ITGA8: variants seen among roughly 807,000 people sequenced by gnomAD.
The protein encoded by ITGA8 is integrin alpha-8.
A neutral mutation model predicts 142.3 loss-of-function variants in ITGA8; 91 were observed. The observed-to-expected ratio is 0.64, with a 90% confidence interval of 0.54 to 0.76. ITGA8 has a LOEUF of 0.76. Ranked by LOEUF, ITGA8 falls within the 30% of genes least tolerant of loss-of-function variation. The pLI is 0.00. For missense variants in ITGA8, 1,406 were observed against 1,327.7 expected (o/e 1.06, Z -0.92); for synonymous variants, 505 against 485.2 (o/e 1.04, Z -0.54).
chr10:15,619,389 T>C (rs987941754), intron 13 of ITGA8, among the ~76,000 whole-genome samples: 2 of 152,220 alleles, frequency 1.3e-5, no homozygotes, highest in Non-Finnish European at 1.5e-5. Context: ...TTATTAGACT[T>C]GGAACTTGAC....
At chr10:15,546,773 G>A (rs1333300933) in intron 27 of ITGA8, among the ~76,000 whole-genome samples, 1 of 146,234 alleles carries the variant, frequency 6.8e-6, no homozygotes, top group Non-Finnish European at 1.5e-5. Context: ...AAAGAAAAGA[G>A]ACACAGAAAA....
At chr10:15,585,452 CACCAGGACAGCAGGGCAGG>C (rs1384936958) in intron 23 of ITGA8, among the ~76,000 whole-genome samples, 1 of 152,194 alleles carries the variant, frequency 6.6e-6, no homozygotes, top group Non-Finnish European at 1.5e-5. Flanking sequence ...GCCCCAGCGG[CACCAGGACAGCAGGGCAGG>C]ACCCATGGCA....
At chr10:15,575,637 G>T (rs1325674842) in intron 23 of ITGA8, 43 bp from the exon 24 acceptor site, 10 of 1,492,760 alleles carry the variant, frequency 6.7e-6, no homozygotes, top group East Asian at 2.3e-5. Flanking sequence ...AATGGCCCAG[G>T]TAAAGAATGT....
intron 8 of ITGA8, among the ~76,000 whole-genome samples, chr10:15,671,349 A>T (rs1220520578): frequency 6.6e-6 from 1 of 152,220 alleles, no homozygotes; most frequent in Admixed American, 6.5e-5. Context: ...TTTTTCATTC[A>T]TAACATGGGA....
At chr10:15,671,767 T>C in intron 7 of ITGA8, 120 bp from the exon 8 acceptor site, 1 of 711,782 alleles carries the variant, frequency 1.4e-6, no homozygotes, top group East Asian at 2.8e-5. Context: ...TCTACAAATA[T>C]TATAAAAGTT....
rs2131579373 is a variant in ITGA8, at chr10:15,569,720, T to A, written c.2637+2491A>T. ...CGCTGTGCCTGGCTATGGCACAGTT[T>A]TGTTTTTTTAACAGCAATTCATTTT... is the stretch of plus-strand genomic sequence containing the variant. On this transcript the variant is annotated intron_variant, in intron 25 of 29. Transcript: ENST00000378076. 2.0e-5 allele frequency among the ~76,000 whole-genome samples: 3 copies of A among 152,318 alleles called. No homozygotes were observed. In the South Asian group the frequency reaches 6.2e-4, roughly 32 times the overall value.
chr10:15,656,682 C>T (rs1440649973), intron 10 of ITGA8, among the ~76,000 whole-genome samples: 1 of 152,070 alleles, frequency 6.6e-6, no homozygotes, highest in African/African-American at 2.4e-5. Flanking sequence ...TTTATCGCTG[C>T]AGTTTTTCTT....
At chr10:15,655,550 T>C (rs959353907) in intron 10 of ITGA8, 144 bp from the exon 11 acceptor site, 7 of 648,934 alleles carry the variant, frequency 1.1e-5, no homozygotes, top group Non-Finnish European at 1.6e-5. Flanking sequence ...CCAGGGTCTT[T>C]TTGCCTCATT....
chr10:15,582,258 GA>G (rs1834421769), intron 23 of ITGA8, among the ~76,000 whole-genome samples: 3 of 151,884 alleles, frequency 2.0e-5, no homozygotes, highest in African/African-American at 7.3e-5. Flanking sequence ...AAGAAAAGAA[GA>G]AAAAGAACCT....
At chr10:15,538,427 G>A (rs11815197) in intron 27 of ITGA8, among the ~76,000 whole-genome samples, 1,643 of 149,292 alleles carry the variant, frequency 0.011, 27 homozygotes, top group African/African-American at 0.039. Flanking sequence ...CGGGAGAATC[G>A]CTTGAACCCG....
At chr10:15,561,209 C>CTATA (rs529527480) in intron 25 of ITGA8, among the ~76,000 whole-genome samples, 7,757 of 116,402 alleles carry the variant, frequency 0.067, 289 homozygotes, top group Middle Eastern at 0.096. Context: ...TATCTGTTGG[C>CTATA]TATATATATA....
In ITGA8 at chr10:15,531,164, G is replaced by C. The variant is rs745816843; in HGVS notation, c.2881-13C>G. 2.9e-5 allele frequency: 39 copies of C among 1,327,656 alleles called. No individual in the cohort carries two copies. The East Asian group carries it at 5.9e-4, about 20-fold the overall frequency. The allele number at this position is 1,327,656 out of a possible 1,614,324, so 82.2% of individuals were successfully genotyped here. A position where few individuals can be genotyped will look rare whatever the true frequency, so the allele number is the denominator to read the frequency against. On this transcript the variant is annotated splice_polypyrimidine_tract_variant and intron_variant, in intron 27 of 29. Transcript: ENST00000378076. The stretch of plus-strand genomic sequence containing the variant: ...GATCATTTTTTCTCTGAAAGTAAAA[G>C]TATTTATTTAAATATATTTCATATA...
At chr10:15,674,968 C>T (rs564865429) in intron 6 of ITGA8, among the ~76,000 whole-genome samples, 22 of 151,934 alleles carry the variant, frequency 1.4e-4, no homozygotes, top group African/African-American at 4.8e-4. Context: ...ATCTATCTCT[C>T]CTGGATCTTT....
intron 29 of ITGA8, among the ~76,000 whole-genome samples, chr10:15,518,708 C>A (rs1218378544): frequency 1.3e-5 from 2 of 152,112 alleles, no homozygotes; most frequent in African/African-American, 4.8e-5. Flanking sequence ...TTAGAACAAA[C>A]CTCAGTAAAA....
intron 28 of ITGA8, among the ~76,000 whole-genome samples, chr10:15,520,854 G>A (rs1024886091): frequency 1.3e-5 from 2 of 152,200 alleles, no homozygotes; most frequent in Admixed American, 1.3e-4. Flanking sequence ...AGAACTCCAG[G>A]ACACATTCTA....
chr10:15,707,987 CACACA>C (rs1365093787), intron 2 of ITGA8, among the ~76,000 whole-genome samples: 3 of 151,652 alleles, frequency 2.0e-5, no homozygotes, highest in Non-Finnish European at 4.4e-5. Flanking sequence ...CACACACACA[CACACA>C]CACACCATTC....
chr10:15,592,081 AC>A, intron 22 of ITGA8, 143 bp downstream of exon 22: 1 of 552,402 alleles, frequency 1.8e-6, no homozygotes. Flanking sequence ...ATTGAGAAAA[AC>A]AAAGAAGAAA....
chr10:15,532,053 G>A (rs35609059), intron 27 of ITGA8, among the ~76,000 whole-genome samples: 4 of 148,578 alleles, frequency 2.7e-5, no homozygotes, highest in South Asian at 2.2e-4. Context: ...GGGTGGGGGG[G>A]CCTGTCCTCT....
chr10:15,573,274 T>C (rs1834221896), intron 24 of ITGA8, among the ~76,000 whole-genome samples: 1 of 152,180 alleles, frequency 6.6e-6, no homozygotes, highest in African/African-American at 2.4e-5. Flanking sequence ...TACCCTAAAC[T>C]TTCATGATCC....
Sources: allele counts gnomAD v4.1 joint callset (sites outside exome capture counted in the v4.1 genomes callset), GRCh38; gene constraint gnomAD v4.1.1; transcripts MANE v1.5; gene names NCBI Gene and HGNC (gene_info 2026-07-23, HGNC 2026-07-21).